Variants in B4GALNT2 observed in about 807,000 individuals in gnomAD.
B4GALNT2 encodes the protein N-acetylneuraminylgalactosylglucosyl-glucoside beta-1,4-N- acetylgalactosaminyltransferase 2.
In B4GALNT2, 42 loss-of-function variants were observed where a neutral mutation model predicts 51.1. The ratio of observed to expected loss-of-function variants is 0.82; its 90% confidence interval spans 0.64 to 1.06. B4GALNT2 has a LOEUF of 1.06. Ranked by LOEUF, B4GALNT2 falls within the 50% of genes least tolerant of loss-of-function variation. B4GALNT2 has a pLI of 0.00. For synonymous variants in B4GALNT2, 253 were observed against 251.7 expected (o/e 1.01, Z -0.05); for missense variants, 602 against 633.6 (o/e 0.95, Z 0.54).
In B4GALNT2 at chr17:49,152,853, G is replaced by A. The variant is rs140362515; in HGVS notation, c.407G>A (p.Gly136Glu). 4.3e-6 allele frequency: 7 copies of A among 1,611,518 alleles called. No homozygotes were observed. The highest frequency in any genetic ancestry group is 1.7e-4 in the Middle Eastern group (1 of 6,056). Residue 136 changes from glycine (G) to glutamate (E), a missense_variant, in exon 4 of 11, where the codon GGG becomes GAG. Transcript: ENST00000393354. ...PLLVQPNLPF[G>E]YPVHGVEVMP... ...CTGGTCCAGCCCAACCTCCCCTTTG[G>A]GTACCCAGTCCACGGAGTGGAGGTG...
At chr17:49,162,806 G>A (rs2042876280) in intron 7 of B4GALNT2, among the ~76,000 whole-genome samples, 1 of 150,536 alleles carries the variant, frequency 6.6e-6, no homozygotes, top group African/African-American at 2.4e-5. Flanking sequence ...CCTGCTACTT[G>A]GGAGGCTGAG....
chr17:49,152,586 G>A (rs1374464870), intron 3 of B4GALNT2, among the ~76,000 whole-genome samples: 1 of 152,268 alleles, frequency 6.6e-6, no homozygotes, highest in Non-Finnish European at 1.5e-5. Flanking sequence ...TGAGGCAGGA[G>A]AATCGCTTGA....
At chr17:49,155,410 C>T (rs1003217032) in intron 4 of B4GALNT2, among the ~76,000 whole-genome samples, 4 of 150,976 alleles carry the variant, frequency 2.6e-5, no homozygotes, top group African/African-American at 7.3e-5. Context: ...TGAAACCAGC[C>T]TGACCAACAT....
chr17:49,129,828 C>G (rs12149989), upstream of B4GALNT2, among the ~76,000 whole-genome samples: 80,284 of 151,880 alleles, frequency 0.53, 21,522 homozygotes, highest in Middle Eastern at 0.62. Flanking sequence ...GTTTCTGGTC[C>G]GAGATGTCAT....
rs2042970615 is a variant in B4GALNT2, at chr17:49,173,611, T to C, written c.*3883T>C. 2 of 152,354 alleles carry C rather than the reference T, an allele frequency of 1.3e-5. No individual in the cohort carries two copies. Among genetic ancestry groups the C allele is most frequent in the Admixed American group, 1.3e-4 (2 of 15,304 alleles). The allele number at this position is 152,354 out of a possible 1,614,324, so 9.4% of individuals were successfully genotyped here. A position where few individuals can be genotyped will look rare whatever the true frequency, so the allele number is the denominator to read the frequency against. ...GGTAAGACTATTTATAAAAGCTTGCTCTATTTGTGCCTTCATGAGAAGGAC... is the reference window on the plus strand; with the variant it reads ...GGTAAGACTATTTATAAAAGCTTGCCCTATTTGTGCCTTCATGAGAAGGAC... On this transcript the variant is annotated 3_prime_UTR_variant, in exon 11 of 11. Coordinates refer to ENST00000393354, the MANE Select transcript of B4GALNT2 (RefSeq NM_001159387.2).
chr17:49,155,665 ATATATATTATTATT>A (rs1324541781), intron 4 of B4GALNT2, among the ~76,000 whole-genome samples: 1 of 147,120 alleles, frequency 6.8e-6, no homozygotes, highest in Non-Finnish European at 1.5e-5. Flanking sequence ...ATATAAAAAC[ATATATATTATTATT>A]TATAATATAT....
chr17:49,123,004 G>A, the B4GALNT2 span, among the ~76,000 whole-genome samples: 1 of 152,308 alleles, frequency 6.6e-6, no homozygotes, highest in Admixed American at 6.5e-5. Flanking sequence ...TGAGTAAGAT[G>A]ACTAGTTCTC....
rs749306956 is a variant in B4GALNT2 at position 49,141,376 on chromosome 17, C to G, written c.144C>G (p.Ala48=). The G allele has an allele frequency of 6.2e-7, 1 of 1,613,998 alleles. No homozygotes were observed. Among genetic ancestry groups the G allele is most frequent in the Non-Finnish European group, 8.5e-7 (1 of 1,180,030 alleles). ...SSPKPELPSP[A]PGVQKLKLLP... Reference sequence around the variant, plus strand: ...CCAAGCCAGAACTCCCAAGTCCTGCCCCGGGTGTCCAGAAGCTGAAGCTTC... The same window carrying G: ...CCAAGCCAGAACTCCCAAGTCCTGCGCCGGGTGTCCAGAAGCTGAAGCTTC... The change falls in exon 2 of 11, where the codon GCC becomes GCG. Residue 48 remains alanine (A), a synonymous_variant. Transcript: ENST00000393354.
At position 49,172,950 on chromosome 17, in the gene B4GALNT2, A is replaced by G. The variant is rs2042966506; in HGVS notation, c.*3222A>G. The G allele has an allele frequency of 6.6e-6, 1 of 152,252 alleles. No individual in the cohort carries two copies. Among genetic ancestry groups the G allele is most frequent in the Non-Finnish European group, 1.5e-5 (1 of 68,042 alleles). 9.4% of individuals were successfully genotyped at this position (152,252 alleles called of 1,614,324 possible). On this transcript the variant is annotated 3_prime_UTR_variant, in exon 11 of 11. Coordinates refer to ENST00000393354, the MANE Select transcript of B4GALNT2 (RefSeq NM_001159387.2). The stretch of plus-strand genomic sequence containing the variant: ...TTAACTCCTCCTGTAAAAGATGAGG[A>G]ATGCACCATTTGGCAAGTTGGGCAT...
intron 1 of B4GALNT2, among the ~76,000 whole-genome samples, chr17:49,133,427 C>T (rs1485397577): frequency 1.3e-5 from 2 of 152,140 alleles, no homozygotes; most frequent in East Asian, 3.9e-4. Context: ...GGGTAAAGTA[C>T]ATTTGAAAGT....
intron 4 of B4GALNT2, among the ~76,000 whole-genome samples, chr17:49,153,519 T>A (rs1004427788): frequency 6.6e-6 from 1 of 151,858 alleles, no homozygotes; most frequent in African/African-American, 2.4e-5. Context: ...TTTTTTTTTT[T>A]TTATTGCGAC....
At position 49,135,713 on chromosome 17, in the gene B4GALNT2, C is replaced by T. The variant is rs371466671; in HGVS notation, c.14+2907C>T. On this transcript the variant is annotated intron_variant, in intron 1 of 10. Transcript: ENST00000393354. ...CAGAAAGCTGAGGCAGGAGGATTAC[C>T]TGAGCCCAGGAGTTTGGGACCAGCC... Among the ~76,000 whole-genome samples the T allele has an allele frequency of 1.8e-3, 270 of 151,236 alleles. 4 individuals are homozygous for T. Among genetic ancestry groups the T allele is most frequent in the African/African-American group, 5.8e-3 (240 of 41,176 alleles).
intron 6 of B4GALNT2, 68 bp downstream of exon 6, chr17:49,159,285 T>C: frequency 6.8e-7 from 1 of 1,466,080 alleles, no homozygotes; most frequent in Non-Finnish European, 9.3e-7. Context: ...CCTTTCAAAG[T>C]CTTCCTCCTT....
intron 1 of B4GALNT2, among the ~76,000 whole-genome samples, chr17:49,138,139 G>A (rs1374341168): frequency 6.6e-6 from 1 of 152,148 alleles, no homozygotes; most frequent in Non-Finnish European, 1.5e-5. Flanking sequence ...GGCCATTTAG[G>A]CACTTAATCT....
the B4GALNT2 span, among the ~76,000 whole-genome samples, chr17:49,126,222 A>G: frequency 6.6e-6 from 1 of 152,146 alleles, no homozygotes; most frequent in Non-Finnish European, 1.5e-5. Context: ...GCTCTCTGAA[A>G]CATGTGCTGT....
At chr17:49,130,922 T>A (rs1475941587), upstream of B4GALNT2, among the ~76,000 whole-genome samples, 1 of 152,184 alleles carries the variant, frequency 6.6e-6, no homozygotes, top group Non-Finnish European at 1.5e-5. Context: ...TGGTTTCTCA[T>A]CTTCTTCAGC....
chr17:49,143,301 C>CACA (rs1555610653), intron 3 of B4GALNT2, among the ~76,000 whole-genome samples: 3 of 150,912 alleles, frequency 2.0e-5, no homozygotes, highest in African/African-American at 7.3e-5. Context: ...ACAACAAAAA[C>CACA]AAAAAAACAA....
chr17:49,121,392 G>T, the B4GALNT2 span, among the ~76,000 whole-genome samples: 5 of 152,194 alleles, frequency 3.3e-5, no homozygotes, highest in Non-Finnish European at 7.3e-5. Context: ...AGCTTAATCA[G>T]TCTTTCAGGA....
rs1404252733 is a variant in B4GALNT2, at chr17:49,175,061, A to T, written c.*5333A>T. On this transcript the variant is annotated 3_prime_UTR_variant, in exon 11 of 11. Coordinates refer to ENST00000393354, the MANE Select transcript of B4GALNT2 (RefSeq NM_001159387.2). The stretch of plus-strand genomic sequence containing the variant: ...GTCCATCGGGCCCCTCACAATGCAA[A>T]ATATAATTACTTTGATATACTTCAG... 3 of 152,166 alleles carry T rather than the reference A, an allele frequency of 2.0e-5. No homozygotes were observed. Among genetic ancestry groups the T allele is most frequent in the African/African-American group, 4.8e-5 (2 of 41,438 alleles). 9.4% of individuals were successfully genotyped at this position (152,166 alleles called of 1,614,324 possible).
Sources: allele counts gnomAD v4.1 joint callset (sites outside exome capture counted in the v4.1 genomes callset), GRCh38; gene constraint gnomAD v4.1.1; transcripts MANE v1.5; gene names NCBI Gene and HGNC (gene_info 2026-07-23, HGNC 2026-07-21).